FAM114A1: variants seen among roughly 807,000 people sequenced by gnomAD.
FAM114A1 encodes family with sequence similarity 114 member A1.
A neutral mutation model predicts 64.3 loss-of-function variants in FAM114A1; 62 were observed. The observed-to-expected ratio is 0.96, with a 90% CI of 0.79 to 1.19. The LOEUF (loss-of-function observed/expected upper bound fraction) is 1.19, where lower values mean the gene tolerates loss of function less well. FAM114A1 is among the 50% of genes most tolerant of loss of function. FAM114A1 has a pLI of 0.00. For synonymous variants in FAM114A1, 254 were observed against 251.1 expected (o/e 1.01, Z -0.11); for missense variants, 645 against 676.3 (o/e 0.95, Z 0.51).
At chr4:38,930,175 A>G (rs749854892) in intron 10 of FAM114A1, among the ~76,000 whole-genome samples, 14 of 152,186 alleles carry the variant, frequency 9.2e-5, no homozygotes, top group Non-Finnish European at 1.8e-4. Context: ...GGTTCCTCTA[A>G]TAATACCACA....
At chr4:38,875,949 G>T (rs1042457835) in intron 2 of FAM114A1, among the ~76,000 whole-genome samples, 2 of 151,946 alleles carry the variant, frequency 1.3e-5, no homozygotes, top group Non-Finnish European at 2.9e-5. Context: ...CTGCTTTAAT[G>T]GCTACATTCC....
At chr4:38,871,765 A>G (rs1714099298) in intron 2 of FAM114A1, among the ~76,000 whole-genome samples, 2 of 152,232 alleles carry the variant, frequency 1.3e-5, no homozygotes, top group Non-Finnish European at 2.9e-5. Context: ...AAGTTCACTG[A>G]TGGAATTCTG....
intron 4 of FAM114A1, 87 bp from the exon 5 acceptor site, chr4:38,905,435 C>A: frequency 2.1e-6 from 2 of 964,696 alleles, no homozygotes; most frequent in African/African-American, 1.7e-5. Flanking sequence ...ACTTCTGCAA[C>A]TTGAAACAGC....
intron 10 of FAM114A1, 111 bp from the exon 11 acceptor site, chr4:38,931,340 A>C: frequency 7.7e-7 from 1 of 1,291,584 alleles, no homozygotes. Flanking sequence ...CCAAACATAC[A>C]GAGATCCATT....
At chr4:38,922,002 C>T (rs1452662324) in intron 8 of FAM114A1, among the ~76,000 whole-genome samples, 2 of 152,130 alleles carry the variant, frequency 1.3e-5, no homozygotes, top group Non-Finnish European at 2.9e-5. Context: ...AGTGCAGTGG[C>T]GCGATCTCGG....
chr4:38,908,786 T>C (rs1485440917), intron 7 of FAM114A1, 60 bp downstream of exon 7: 2 of 1,443,458 alleles, frequency 1.4e-6, no homozygotes, highest in South Asian at 1.5e-5. Context: ...AAATTTTTTA[T>C]TTATCTTTTT....
chr4:38,892,755 C>T (rs563574126), intron 4 of FAM114A1, among the ~76,000 whole-genome samples: 1 of 152,322 alleles, frequency 6.6e-6, no homozygotes, highest in East Asian at 1.9e-4. Flanking sequence ...GAGGACCTTG[C>T]GATAGGCCAT....
chr4:38,919,738 G>T, intron 8 of FAM114A1, among the ~76,000 whole-genome samples: 1 of 152,180 alleles, frequency 6.6e-6, no homozygotes, highest in Non-Finnish European at 1.5e-5. Context: ...GCCTAGAAAT[G>T]ATGCACATCA....
At chr4:38,936,671 G>C (rs1721134975) in intron 13 of FAM114A1, among the ~76,000 whole-genome samples, 1 of 150,300 alleles carries the variant, frequency 6.7e-6, no homozygotes, top group Non-Finnish European at 1.5e-5. Flanking sequence ...TCCTGCCTCA[G>C]CCTCCAAAGT....
chr4:38,944,892 G>A lies in FAM114A1; in HGVS notation c.*1335G>A, dbSNP rs1035721237. On this transcript the variant is annotated 3_prime_UTR_variant, in exon 15 of 15. Transcript: ENST00000358869. Reference sequence around the variant, plus strand: ...CGGTCCCTGGTACCAGAAAGGTTGGGGACCACTGGCTTAAAATACCAATAA... The same window carrying A: ...CGGTCCCTGGTACCAGAAAGGTTGGAGACCACTGGCTTAAAATACCAATAA... 6.6e-6 allele frequency: 1 copy of A among 152,070 alleles called. No homozygotes were observed. The highest frequency in any genetic ancestry group is 1.5e-5 in the Non-Finnish European group (1 of 68,026). 9.4% of individuals were successfully genotyped at this position (152,070 alleles called of 1,614,324 possible).
chr4:38,932,636 A>C (rs1421803999), intron 12 of FAM114A1, among the ~76,000 whole-genome samples: 1 of 152,074 alleles, frequency 6.6e-6, no homozygotes, highest in East Asian at 1.9e-4. Context: ...AGTTGGGACC[A>C]CAGGTGCGTG....
At chr4:38,888,420 G>T (rs1030095229) in intron 3 of FAM114A1, among the ~76,000 whole-genome samples, 1 of 152,108 alleles carries the variant, frequency 6.6e-6, no homozygotes, top group Admixed American at 6.6e-5. Context: ...CTACTTGGGA[G>T]GCTGAGGCAG....
intron 7 of FAM114A1, among the ~76,000 whole-genome samples, chr4:38,912,188 A>C (rs1718618500): frequency 6.6e-6 from 1 of 151,668 alleles, no homozygotes. Flanking sequence ...TTTAAATAAC[A>C]CGGGGACAGG....
intron 13 of FAM114A1, among the ~76,000 whole-genome samples, chr4:38,940,211 C>G (rs1721481438): frequency 6.6e-6 from 1 of 152,006 alleles, no homozygotes; most frequent in Admixed American, 6.6e-5. Flanking sequence ...TTTTTGAGCC[C>G]CTGCTTTATA....
At chr4:38,917,585 C>T (rs1317468977) in intron 8 of FAM114A1, among the ~76,000 whole-genome samples, 1 of 151,716 alleles carries the variant, frequency 6.6e-6, no homozygotes, top group African/African-American at 2.4e-5. Flanking sequence ...TATATGCGTT[C>T]TTATGTCATA....
chr4:38,888,365 T>C (rs1381687006), intron 3 of FAM114A1, among the ~76,000 whole-genome samples: 2 of 151,900 alleles, frequency 1.3e-5, no homozygotes, highest in Non-Finnish European at 2.9e-5. Context: ...AAAAAATAAT[T>C]TTTAAAAATT....
chr4:38,883,444 A>C (rs994898621), intron 3 of FAM114A1, among the ~76,000 whole-genome samples: 1 of 152,156 alleles, frequency 6.6e-6, no homozygotes, highest in African/African-American at 2.4e-5. Context: ...ATCTAGATTA[A>C]ATTTCTCTGA....
intron 2 of FAM114A1, among the ~76,000 whole-genome samples, chr4:38,876,103 A>G (rs12507190): frequency 0.28 from 41,005 of 147,468 alleles, 5,931 homozygotes; most frequent in African/African-American, 0.31. Flanking sequence ...CAAAGATGTT[A>G]CAAAGCTAAA....
At chr4:38,896,579 A>T (rs1296203096) in intron 4 of FAM114A1, among the ~76,000 whole-genome samples, 1 of 151,872 alleles carries the variant, frequency 6.6e-6, no homozygotes, top group Non-Finnish European at 1.5e-5. Flanking sequence ...TCACAGCCTG[A>T]AACAGGTTGG....
Sources: allele counts gnomAD v4.1 joint callset (sites outside exome capture counted in the v4.1 genomes callset), GRCh38; gene constraint gnomAD v4.1.1; transcripts MANE v1.5; gene names NCBI Gene and HGNC (gene_info 2026-07-23, HGNC 2026-07-21).